TRIO: variants seen among roughly 807,000 people sequenced by gnomAD.
TRIO encodes the protein triple functional domain protein.
In TRIO, 58 loss-of-function variants were observed where a neutral mutation model predicts 351.9. That is an observed-to-expected ratio of 0.16 (90% CI 0.13 to 0.21). TRIO has a LOEUF of 0.21. TRIO is among the 10% of genes least tolerant of loss of function. The pLI is 1.00. For synonymous variants in TRIO, 1,758 were observed against 1,595.7 expected (o/e 1.10, Z -2.42); for missense variants, 3,201 against 4,027.8 (o/e 0.79, Z 5.56).
chr5:14,460,916 T>C, intron 34 of TRIO, 103 bp from the exon 35 acceptor site: 4 of 1,370,288 alleles, frequency 2.9e-6, no homozygotes, highest in Non-Finnish European at 2.9e-6. Flanking sequence ...TGACGAGGCA[T>C]CCAGGCCCAC....
chr5:14,227,745 C>G (rs1353031750), intron 1 of TRIO, among the ~76,000 whole-genome samples: 2 of 152,138 alleles, frequency 1.3e-5, no homozygotes, highest in African/African-American at 4.8e-5. Flanking sequence ...TAATCTGATA[C>G]GGACTCTTAA....
intron 2 of TRIO, among the ~76,000 whole-genome samples, chr5:14,278,616 T>C (rs993462541): frequency 2.0e-5 from 3 of 152,234 alleles, no homozygotes; most frequent in Admixed American, 2.0e-4. Flanking sequence ...GGAGATTGAC[T>C]CTTTTGAAAA....
chr5:14,483,734 G>A (rs1373946791), intron 46 of TRIO, among the ~76,000 whole-genome samples: 3 of 152,174 alleles, frequency 2.0e-5, no homozygotes, highest in Non-Finnish European at 4.4e-5. Flanking sequence ...AGGCTGGGCT[G>A]CGGGCCCTCG....
chr5:14,481,316 T>C (rs747004829), intron 44 of TRIO, 32 bp downstream of exon 44: 9 of 1,610,750 alleles, frequency 5.6e-6, no homozygotes, highest in Non-Finnish European at 1.7e-6. Context: ...GGCACCCAAA[T>C]CCCCACCAGC....
chr5:14,237,444 C>T (rs1037074955), intron 1 of TRIO, among the ~76,000 whole-genome samples: 5 of 152,068 alleles, frequency 3.3e-5, no homozygotes, highest in African/African-American at 4.8e-5. Flanking sequence ...TGATGGGGCC[C>T]GTAAGAAATG....
At chr5:14,285,878 C>T (rs952780582) in intron 3 of TRIO, among the ~76,000 whole-genome samples, 1 of 152,076 alleles carries the variant, frequency 6.6e-6, no homozygotes, top group Non-Finnish European at 1.5e-5. Flanking sequence ...GTCAGAGACC[C>T]CTGTGTAACA....
intron 1 of TRIO, among the ~76,000 whole-genome samples, chr5:14,226,802 C>A (rs977522185): frequency 1.4e-5 from 2 of 140,156 alleles, no homozygotes; most frequent in African/African-American, 2.6e-5. Context: ...TCCATATCTT[C>A]CCAGGGTTCG....
intron 49 of TRIO, among the ~76,000 whole-genome samples, chr5:14,495,658 GAAAAAAAAAAAAAA>G (rs56018324): frequency 6.4e-4 from 21 of 32,586 alleles, no homozygotes; most frequent in African/African-American, 9.6e-4. Context: ...GTCTCTACTA[GAAAAAAAAAAAAAA>G]AAAAAAAAAA....
chr5:14,312,817 A>C (rs1316548282), intron 8 of TRIO, among the ~76,000 whole-genome samples: 1 of 152,202 alleles, frequency 6.6e-6, no homozygotes, highest in Admixed American at 6.5e-5. Flanking sequence ...CTCTTCTTTC[A>C]TTAATTTTCT....
chr5:14,203,245 G>A (rs375040987), intron 1 of TRIO, among the ~76,000 whole-genome samples: 3 of 149,916 alleles, frequency 2.0e-5, no homozygotes, highest in East Asian at 3.9e-4. Context: ...TAGGCAATTT[G>A]AAGAGAGAGA....
chr5:14,327,100 A>G (rs934939170), intron 9 of TRIO, among the ~76,000 whole-genome samples: 5 of 152,236 alleles, frequency 3.3e-5, no homozygotes, highest in African/African-American at 9.6e-5. Flanking sequence ...GGTTTATAGC[A>G]GCTTTTATTT....
intron 34 of TRIO, among the ~76,000 whole-genome samples, chr5:14,450,367 G>A (rs892053181): frequency 6.6e-6 from 1 of 152,168 alleles, no homozygotes; most frequent in Non-Finnish European, 1.5e-5. Flanking sequence ...TGGCATTCAG[G>A]GTCACCTGGA....
chr5:14,404,130 GC>G (rs972878901), intron 31 of TRIO, among the ~76,000 whole-genome samples: 20 of 151,866 alleles, frequency 1.3e-4, no homozygotes, highest in African/African-American at 4.4e-4. Flanking sequence ...GTATCGTGCT[GC>G]TGGTGTGTGT....
intron 28 of TRIO, 121 bp downstream of exon 28, chr5:14,394,251 T>C (rs1747368717): frequency 1.6e-6 from 1 of 615,890 alleles, no homozygotes; most frequent in Non-Finnish European, 2.7e-6. Context: ...AATTTTACTT[T>C]TTAATTCATT....
intron 33 of TRIO, among the ~76,000 whole-genome samples, chr5:14,415,325 G>C (rs1484919301): frequency 2.0e-5 from 3 of 152,128 alleles, no homozygotes; most frequent in African/African-American, 7.2e-5. Context: ...GTCCGAGAGA[G>C]CCCCCTCTTC....
chr5:14,471,271 A>G, intron 37 of TRIO, 47 bp from the exon 38 acceptor site: 1 of 1,584,388 alleles, frequency 6.3e-7, no homozygotes, highest in Non-Finnish European at 8.6e-7. Context: ...TTAGCCAATC[A>G]TGGGCTGTGG....
intron 11 of TRIO, among the ~76,000 whole-genome samples, chr5:14,337,194 A>T (rs1449247809): frequency 6.6e-6 from 1 of 152,196 alleles, no homozygotes; most frequent in Non-Finnish European, 1.5e-5. Flanking sequence ...ATTAAAGCTA[A>T]TGTCATAGGC....
Position 14,388,688 on chromosome 5 carries a change from G to GTTTTTTTTT in TRIO, c.3948+19_3948+27dup. 3 of 1,440,382 alleles carry GTTTTTTTTT rather than the reference G, an allele frequency of 2.1e-6. No homozygotes were observed. The highest frequency in any genetic ancestry group is 1.3e-5 in the South Asian group (1 of 74,590). The allele number at this position is 1,440,382 out of a possible 1,614,324, so 89.2% of individuals were successfully genotyped here. On this transcript the variant is annotated intron_variant, in intron 24 of 56. Coordinates refer to ENST00000344204, the MANE Select transcript of TRIO (RefSeq NM_007118.4). The stretch of plus-strand genomic sequence containing the variant: ...TCCGGGAATGTATGGATGTAAGTAA[G>GTTTTTTTTT]TTTTTTTTTTTTTTTTTTGCTTGTT...
chr5:14,303,891 G>A (rs543718172), intron 7 of TRIO, among the ~76,000 whole-genome samples: 2 of 152,250 alleles, frequency 1.3e-5, no homozygotes, highest in South Asian at 4.1e-4. Context: ...TTTAATTCTG[G>A]TGTCAATTTC....
Sources: allele counts gnomAD v4.1 joint callset (sites outside exome capture counted in the v4.1 genomes callset), GRCh38; gene constraint gnomAD v4.1.1; transcripts MANE v1.5; gene names NCBI Gene and HGNC (gene_info 2026-07-23, HGNC 2026-07-21).